The following RNF216 variants were observed in gnomAD, a reference collection of about 807,000 sequenced individuals.
RNF216 encodes E3 ubiquitin-protein ligase RNF216.
Under a neutral mutation model 110.8 loss-of-function variants are expected in RNF216, and 72 were observed. The ratio of observed to expected loss-of-function variants is 0.65; its 90% CI spans 0.54 to 0.79. RNF216 has a LOEUF of 0.79. Among genes scored for constraint, RNF216 ranks in the 30% least tolerant of loss-of-function variants. The probability of loss-of-function intolerance (pLI) is 0.00; values close to 1 mark genes in which losing one functional copy is unlikely to be tolerated. For missense variants in RNF216, 1,342 were observed against 1,141.2 expected (o/e 1.18, Z -2.54); for synonymous variants, 495 against 407.5 (o/e 1.21, Z -2.59).
At chr7:5,657,059 G>A (rs531387901) in intron 13 of RNF216, among the ~76,000 whole-genome samples, 1 of 152,322 alleles carries the variant, frequency 6.6e-6, no homozygotes, top group South Asian at 2.1e-4. Context: ...GTCCCCATGC[G>A]TGCTAGATTT....
chr7:5,656,994 C>T (rs1377558617), intron 13 of RNF216, among the ~76,000 whole-genome samples: 2 of 152,246 alleles, frequency 1.3e-5, no homozygotes, highest in Non-Finnish European at 2.9e-5. Flanking sequence ...GCCAAAGTCA[C>T]CGGGTTCTGT....
intron 1 of RNF216, chr7:5,780,372 T>C (rs1797013103): frequency 6.6e-6 from 1 of 152,126 alleles, no homozygotes; most frequent in South Asian, 2.1e-4. Context: ...GTGTGGGTTT[T>C]CAGCCAGGGC....
rs552387304 is a variant in RNF216, at chr7:5,621,179, T to C, written c.*1681A>G. 1 of 151,744 alleles carries C rather than the reference T, an allele frequency of 6.6e-6. No homozygotes were observed. The highest frequency in any genetic ancestry group is 2.4e-5 in the African/African-American group (1 of 41,270). The allele number at this position is 151,744 out of a possible 1,614,324, so 9.4% of individuals were successfully genotyped here. ...AAAGAATGGGTATCTTAGTTTTTTT[T>C]TTTTTTTTTTTAAAGATAGAGTTTT... is the stretch of plus-strand genomic sequence containing the variant. On this transcript the variant is annotated 3_prime_UTR_variant, in exon 17 of 17. Coordinates refer to ENST00000389902, the MANE Select transcript of RNF216 (RefSeq NM_207111.4).
chr7:5,693,628 T>C (rs890404031), intron 13 of RNF216, among the ~76,000 whole-genome samples: 1 of 152,196 alleles, frequency 6.6e-6, no homozygotes, highest in Non-Finnish European at 1.5e-5. Context: ...TCAATTCCTC[T>C]TTTTAGAGGA....
intron 15 of RNF216, among the ~76,000 whole-genome samples, chr7:5,634,753 A>G (rs1787295523): frequency 6.6e-6 from 1 of 152,224 alleles, no homozygotes; most frequent in South Asian, 2.1e-4. Flanking sequence ...TCAAGTGCTC[A>G]CCCAGGGGCC....
intron 10 of RNF216, among the ~76,000 whole-genome samples, chr7:5,715,470 A>G (rs1203188807): frequency 6.6e-6 from 1 of 152,114 alleles, no homozygotes; most frequent in Non-Finnish European, 1.5e-5. Context: ...ATTCAATCCC[A>G]TGGTGCAAAG....
intron 14 of RNF216, among the ~76,000 whole-genome samples, chr7:5,644,911 A>C (rs1466582993): frequency 7.1e-6 from 1 of 140,512 alleles, no homozygotes; most frequent in Non-Finnish European, 1.5e-5. Flanking sequence ...TGCAACCTCC[A>C]CCTCCTGGGT....
chr7:5,648,599 G>A (rs973995681), intron 14 of RNF216, among the ~76,000 whole-genome samples: 1 of 151,660 alleles, frequency 6.6e-6, no homozygotes, highest in African/African-American at 2.4e-5. Context: ...ATGGTGGCGG[G>A]CACTCATAGT....
At chr7:5,731,389 T>TGATC (rs1794082500) in intron 5 of RNF216, among the ~76,000 whole-genome samples, 1 of 145,138 alleles carries the variant, frequency 6.9e-6, no homozygotes. Flanking sequence ...GCTAGACTGA[T>TGATC]GAACAGATCA....
At chr7:5,727,532 G>C (rs1391895590) in intron 7 of RNF216, among the ~76,000 whole-genome samples, 1 of 152,110 alleles carries the variant, frequency 6.6e-6, no homozygotes, top group African/African-American at 2.4e-5. Flanking sequence ...TTCAAGACCA[G>C]CCTGCACAAT....
chr7:5,639,743 T>C (rs1331037295), intron 15 of RNF216, among the ~76,000 whole-genome samples: 1 of 151,074 alleles, frequency 6.6e-6, no homozygotes, highest in African/African-American at 2.4e-5. Context: ...TATAGGCATG[T>C]GACACCGTGC....
chr7:5,753,037 TTAAG>T, intron 2 of RNF216, 58 bp from the exon 3 acceptor site: 2 of 1,550,808 alleles, frequency 1.3e-6, no homozygotes, highest in East Asian at 2.3e-5. Context: ...ATCCAACTCT[TTAAG>T]TTTTTCCTGA....
At chr7:5,662,578 AAG>A (rs1289147067) in intron 13 of RNF216, 1 of 152,202 alleles carries the variant, frequency 6.6e-6, no homozygotes, top group African/African-American at 2.4e-5. Context: ...GAAAGGAATG[AAG>A]ACACTCTCAT....
intron 3 of RNF216, among the ~76,000 whole-genome samples, chr7:5,747,159 A>G (rs762464461): frequency 4.1e-4 from 63 of 152,214 alleles, no homozygotes; most frequent in Non-Finnish European, 7.2e-4. Context: ...CTTATAAAAC[A>G]GAACAACCTG....
chr7:5,622,844 T>TG lies in RNF216; in HGVS notation c.*15dup, dbSNP rs1490863805. 6.3e-7 allele frequency: 1 copy of TG among 1,583,718 alleles called. No homozygotes were observed. The highest frequency in any genetic ancestry group is 1.1e-5 in the South Asian group (1 of 87,362). Reference sequence around the variant, plus strand: ...CCCAAACGGGCTTTGTGCTGCTCAATGGGGATTCGGGGCCATCAGAAGCGA... The same window carrying TG: ...CCCAAACGGGCTTTGTGCTGCTCAATGGGGGATTCGGGGCCATCAGAAGCGA... On this transcript the variant is annotated 3_prime_UTR_variant, in exon 17 of 17. Transcript: ENST00000389902.
At chr7:5,632,393 T>G (rs1787126845) in intron 15 of RNF216, among the ~76,000 whole-genome samples, 1 of 152,212 alleles carries the variant, frequency 6.6e-6, no homozygotes, top group Non-Finnish European at 1.5e-5. Context: ...CAGTGAAAAC[T>G]TTCAAATGAA....
intron 2 of RNF216, chr7:5,760,462 G>A (rs1317875681): frequency 5.2e-6 from 2 of 386,044 alleles, no homozygotes; most frequent in African/African-American, 4.2e-5. Context: ...CTCGTGGTGA[G>A]TCGAGATTAC....
At chr7:5,637,807 C>T (rs1408075370) in intron 15 of RNF216, among the ~76,000 whole-genome samples, 3 of 152,216 alleles carry the variant, frequency 2.0e-5, no homozygotes, top group Non-Finnish European at 4.4e-5. Context: ...TCTCGAAGTG[C>T]TGGGATTACA....
rs1791652223 is a variant in RNF216, at chr7:5,696,707, G to A, written c.2061+15054C>T. On this transcript the variant is annotated intron_variant, in intron 13 of 16. Transcript: ENST00000389902. The surrounding 1 kb of genome is among the most constrained non-coding windows in gnomAD (Gnocchi z 5.4). ...CTGCCCTTAGAACCAGGTTCCTTCA[G>A]GCCAAATCCCACCTAGGTCTTCTGG... 6.6e-6 allele frequency among the ~76,000 whole-genome samples: 1 copy of A among 152,102 alleles called. No individual in the cohort carries two copies. The highest frequency in any genetic ancestry group is 1.5e-5 in the Non-Finnish European group (1 of 68,020).
Sources: gnomAD v4.1 joint callset for allele counts (sites outside exome capture counted in the v4.1 genomes callset) on GRCh38, gnomAD v4.1.1 for gene constraint, Gnocchi (gnomAD v3.1) non-coding constraint, MANE v1.5 for transcripts, NCBI Gene and HGNC (gene_info 2026-07-23, HGNC 2026-07-21) for gene names.